PLAC8: variants seen among roughly 807,000 people sequenced by gnomAD.
PLAC8 encodes placenta associated 8, also known as placenta-specific gene 8 protein.
In PLAC8, 6 loss-of-function variants were observed where a neutral mutation model predicts 12.6. The observed-to-expected ratio is 0.48, with a 90% CI of 0.26 to 0.94. The LOEUF is 0.94. PLAC8 is among the 40% of genes least tolerant of loss of function. PLAC8 has a pLI of 0.14. For missense variants in PLAC8, 122 were observed against 152.7 expected, an observed-to-expected ratio of 0.80 and a Z score of 1.06; for synonymous variants, 54 against 52.6, an observed-to-expected ratio of 1.03 and a Z score of -0.11.
chr4:83,107,250 T>C (rs1218380319), intron 2 of PLAC8, among the ~76,000 whole-genome samples: 1 of 150,242 alleles, frequency 6.7e-6, no homozygotes, highest in East Asian at 1.9e-4. Flanking sequence ...CAGTCAGAGA[T>C]TTTTTTTCCC....
At chr4:83,114,437 C>T (rs1167928111) in intron 1 of PLAC8, among the ~76,000 whole-genome samples, 2 of 152,144 alleles carry the variant, frequency 1.3e-5, no homozygotes, top group Non-Finnish European at 2.9e-5. Flanking sequence ...TGGGATCTTA[C>T]ACTACTTTGA....
Position 83,090,822 on chromosome 4 carries a change from A to G in PLAC8, c.*159T>C, listed in dbSNP as rs899688151. On this transcript the variant is annotated 3_prime_UTR_variant, in exon 5 of 5. Transcript: ENST00000311507. ...CCATTTAGCTAAGTTCAGGGACAAC[A>G]TTCATTTATAATAAATCAAAAATTT... 1.3e-5 allele frequency: 2 copies of G among 152,152 alleles called. No homozygotes were observed. The highest frequency in any genetic ancestry group is 4.8e-5 in the African/African-American group (2 of 41,430). 9.4% of individuals were successfully genotyped at this position (152,152 alleles called of 1,614,324 possible). A position where few individuals can be genotyped will look rare whatever the true frequency, so the allele number is the denominator to read the frequency against.
intron 3 of PLAC8, among the ~76,000 whole-genome samples, chr4:83,095,104 A>C (rs1193688715): frequency 6.6e-6 from 1 of 152,188 alleles, no homozygotes; most frequent in East Asian, 1.9e-4. Context: ...TGTCATAGGA[A>C]GCTAGTAGGG....
intron 4 of PLAC8, chr4:83,093,901 A>C (rs2126139596): frequency 6.6e-6 from 1 of 152,350 alleles, no homozygotes; most frequent in East Asian, 1.9e-4. Flanking sequence ...TTACTTGCTA[A>C]GTAAATGAAC....
At chr4:83,109,976 T>A (rs547230755) in intron 1 of PLAC8, 104 of 152,212 alleles carry the variant, frequency 6.8e-4, no homozygotes, top group African/African-American at 2.5e-3. Flanking sequence ...ATGGCTGCCC[T>A]CGGGGGACCA....
intron 3 of PLAC8, among the ~76,000 whole-genome samples, chr4:83,103,620 G>T (rs1459836075): frequency 4.6e-5 from 7 of 152,136 alleles, no homozygotes; most frequent in Admixed American, 4.6e-4. Flanking sequence ...TTCATGAAAG[G>T]AATGGTCAAT....
At chr4:83,103,643 C>G (rs923581042) in intron 3 of PLAC8, among the ~76,000 whole-genome samples, 52 of 152,030 alleles carry the variant, frequency 3.4e-4, no homozygotes, top group African/African-American at 1.2e-3. Context: ...ATGAGGCAGA[C>G]TTCATTGTTG....
chr4:83,099,589 C>T (rs1460521575), intron 3 of PLAC8, among the ~76,000 whole-genome samples: 1 of 152,124 alleles, frequency 6.6e-6, no homozygotes, highest in Non-Finnish European at 1.5e-5. Flanking sequence ...CAAATGTAAT[C>T]CCCAATGTTG....
chr4:83,091,387 G>A (rs191919380), intron 4 of PLAC8, among the ~76,000 whole-genome samples: 45 of 152,262 alleles, frequency 3.0e-4, no homozygotes, highest in Non-Finnish European at 5.0e-4. Context: ...GTATTTTGTG[G>A]AATGTGCCTC....
chr4:83,100,174 G>A (rs1464608463), intron 3 of PLAC8, among the ~76,000 whole-genome samples: 1 of 150,724 alleles, frequency 6.6e-6, no homozygotes, highest in Non-Finnish European at 1.5e-5. Flanking sequence ...CCAGCTACTT[G>A]GGAGGCTGAG....
chr4:83,091,797 T>C lies in PLAC8; in HGVS notation c.*10-826A>G, dbSNP rs191303135. Among the ~76,000 whole-genome samples the C allele has an allele frequency of 7.9e-4, 121 of 152,306 alleles. 1 individual carries two copies. In the East Asian group the frequency reaches 0.019, roughly 24 times the overall value. On this transcript the variant is annotated intron_variant, in intron 4 of 4. Transcript: ENST00000311507. ...AGAAATTCTCCTGCCACTTCTTTGC[T>C]CTCAAAATTCCCAGTTTTCCCTGCT...
At chr4:83,096,267 T>C (rs1731923268) in intron 3 of PLAC8, among the ~76,000 whole-genome samples, 1 of 152,186 alleles carries the variant, frequency 6.6e-6, no homozygotes, top group African/African-American at 2.4e-5. Flanking sequence ...ACTGTCTCAG[T>C]CATAATTTTG....
At chr4:83,103,100 A>G (rs1485545829) in intron 3 of PLAC8, among the ~76,000 whole-genome samples, 4 of 135,146 alleles carry the variant, frequency 3.0e-5, no homozygotes, top group Non-Finnish European at 6.5e-5. Flanking sequence ...AAAAAAAAAG[A>G]AAGCTATTTC....
intron 2 of PLAC8, among the ~76,000 whole-genome samples, chr4:83,105,565 G>A (rs1310872170): frequency 1.3e-5 from 2 of 152,230 alleles, no homozygotes; most frequent in Non-Finnish European, 2.9e-5. Flanking sequence ...TATGGCTGGA[G>A]CCCTGGGATG....
At chr4:83,099,074 AATAATT>A (rs1732019962) in intron 3 of PLAC8, among the ~76,000 whole-genome samples, 2 of 152,138 alleles carry the variant, frequency 1.3e-5, no homozygotes, top group South Asian at 4.1e-4. Context: ...TGTTAACAAT[AATAATT>A]ATAATTATTA....
rs565814448 is a variant in PLAC8 at position 83,110,017 on chromosome 4, G to C, written c.-29-2067C>G. 1.1e-4 allele frequency among the ~76,000 whole-genome samples: 16 copies of C among 152,236 alleles called. No homozygotes were observed. In the South Asian group the frequency reaches 3.3e-3, roughly 32 times the overall value. ...CGGGGCGGCGCGCCGCTGGGGACTCGGCGTGAACCGGGCAGCGGGCGCGCG... is the reference window on the plus strand; with the variant it reads ...CGGGGCGGCGCGCCGCTGGGGACTCCGCGTGAACCGGGCAGCGGGCGCGCG... On this transcript the variant is annotated intron_variant, in intron 1 of 4. Coordinates refer to ENST00000311507, the MANE Select transcript of PLAC8 (RefSeq NM_016619.3).
intron 4 of PLAC8, among the ~76,000 whole-genome samples, chr4:83,091,963 G>A (rs547774660): frequency 7.4e-4 from 113 of 152,166 alleles, no homozygotes; most frequent in Non-Finnish European, 5.7e-4. Context: ...TTGGACTATG[G>A]GGAGCTTTTC....
At chr4:83,091,999 C>A (rs2126139108) in intron 4 of PLAC8, among the ~76,000 whole-genome samples, 1 of 152,268 alleles carries the variant, frequency 6.6e-6, no homozygotes, top group East Asian at 1.9e-4. Context: ...TCCTTCATCT[C>A]AATCTATTTT....
intron 3 of PLAC8, among the ~76,000 whole-genome samples, chr4:83,101,624 G>A (rs1305778754): frequency 6.6e-6 from 1 of 152,218 alleles, no homozygotes; most frequent in Non-Finnish European, 1.5e-5. Context: ...CTTATTGGAA[G>A]AAGATGCCAT....
Sources: gnomAD v4.1 joint callset for allele counts (sites outside exome capture counted in the v4.1 genomes callset) on GRCh38, gnomAD v4.1.1 for gene constraint, MANE v1.5 for transcripts, NCBI Gene and HGNC (gene_info 2026-07-23, HGNC 2026-07-21) for gene names.